Variants in ACOT12 observed in about 807,000 individuals in gnomAD.
ACOT12 encodes the protein acetyl-coenzyme A thioesterase.
In ACOT12, 51 loss-of-function variants were observed where a neutral mutation model predicts 67.7. That is an observed-to-expected ratio of 0.75 (90% CI 0.60 to 0.95). ACOT12 has a LOEUF of 0.95. Among genes scored for constraint, ACOT12 ranks in the 40% least tolerant of loss-of-function variants. ACOT12 has a pLI of 0.00. For synonymous variants in ACOT12, 251 were observed against 244.6 expected (o/e 1.03, Z -0.24); for missense variants, 734 against 708.1 (o/e 1.04, Z -0.41).
intron 5 of ACOT12, among the ~76,000 whole-genome samples, chr5:81,348,816 G>A (rs997901624): frequency 3.3e-5 from 5 of 152,140 alleles, no homozygotes; most frequent in Non-Finnish European, 4.4e-5. Context: ...TGCCCGCCTC[G>A]GCCTCCCAAA....
intron 13 of ACOT12, among the ~76,000 whole-genome samples, chr5:81,331,695 T>C (rs565710480): frequency 6.6e-6 from 1 of 152,358 alleles, no homozygotes; most frequent in East Asian, 1.9e-4. Flanking sequence ...TATAGCCCTC[T>C]AGACTTTTTA....
At chr5:81,314,339 G>A in the ACOT12 span, among the ~76,000 whole-genome samples, 51 of 152,226 alleles carry the variant, frequency 3.4e-4, no homozygotes, top group South Asian at 8.1e-3. Context: ...TCTTGACCTC[G>A]TGATCTGCTC....
chr5:81,316,964 G>C, the ACOT12 span, among the ~76,000 whole-genome samples: 1 of 152,080 alleles, frequency 6.6e-6, no homozygotes, highest in Admixed American at 6.6e-5. Context: ...TCTTTAACAG[G>C]TTTATGATTT....
At chr5:81,317,888 T>A in the ACOT12 span, among the ~76,000 whole-genome samples, 1 of 69,766 alleles carries the variant, frequency 1.4e-5, no homozygotes, top group Non-Finnish European at 2.6e-5. Context: ...AGGTTCACAA[T>A]TTTTTTTTTT....
intron 5 of ACOT12, among the ~76,000 whole-genome samples, chr5:81,358,046 C>G (rs371719720): frequency 0.21 from 29,476 of 140,776 alleles, 3,489 homozygotes; most frequent in African/African-American, 0.34. Context: ...AGAAGAAAAA[C>G]AACTGTATTT....
chr5:81,383,380 C>A (rs1182406568), intron 2 of ACOT12, among the ~76,000 whole-genome samples: 1 of 152,136 alleles, frequency 6.6e-6, no homozygotes, highest in Non-Finnish European at 1.5e-5. Flanking sequence ...AAAGAAAAAA[C>A]AAAATCAAAC....
At chr5:81,322,817 C>A in the ACOT12 span, among the ~76,000 whole-genome samples, 1 of 152,096 alleles carries the variant, frequency 6.6e-6, no homozygotes, top group African/African-American at 2.4e-5. Flanking sequence ...TGAATGCCAG[C>A]AGGGGAAATG....
intron 4 of ACOT12, among the ~76,000 whole-genome samples, chr5:81,362,062 C>T (rs1580566340): frequency 6.6e-6 from 1 of 152,070 alleles, no homozygotes; most frequent in African/African-American, 2.4e-5. Context: ...GTTATCTGAA[C>T]CAACCAATTA....
Position 81,386,499 on chromosome 5 carries a change from G to A in ACOT12, c.128-673C>T, listed in dbSNP as rs139487407. On this transcript the variant is annotated intron_variant, in intron 1 of 14. Transcript: ENST00000307624. Reference sequence around the variant, plus strand: ...TCTATGTCTGCACGTAATTTGCTCAGATTTTTTTTTTATTGTTGGTTTTGC... The same window carrying A: ...TCTATGTCTGCACGTAATTTGCTCAAATTTTTTTTTTATTGTTGGTTTTGC... Among the ~76,000 whole-genome samples, 452 of 152,182 alleles carry A rather than the reference G, an allele frequency of 3.0e-3. 1 individual carries two copies. The highest frequency in any genetic ancestry group is 0.011 in the African/African-American group (436 of 41,522).
the ACOT12 span, among the ~76,000 whole-genome samples, chr5:81,322,240 G>C: frequency 6.6e-6 from 1 of 151,934 alleles, no homozygotes; most frequent in Non-Finnish European, 1.5e-5. Context: ...GTGTATTGCA[G>C]AACCATAAAA....
At chr5:81,310,018 C>T in the ACOT12 span, among the ~76,000 whole-genome samples, 1 of 152,046 alleles carries the variant, frequency 6.6e-6, no homozygotes, top group African/African-American at 2.4e-5. Flanking sequence ...TCAAGTGCTT[C>T]TCTTTCACTA....
At chr5:81,322,287 C>T in the ACOT12 span, among the ~76,000 whole-genome samples, 1 of 151,866 alleles carries the variant, frequency 6.6e-6, no homozygotes, top group Non-Finnish European at 1.5e-5. Context: ...AGAGAAAATA[C>T]ATTACCTACA....
the ACOT12 span, among the ~76,000 whole-genome samples, chr5:81,309,862 C>A: frequency 1.3e-5 from 2 of 152,034 alleles, no homozygotes; most frequent in African/African-American, 4.8e-5. Flanking sequence ...TGTATCTTAC[C>A]GTTGGTGGGT....
downstream of ACOT12, among the ~76,000 whole-genome samples, chr5:81,328,176 C>T (rs115523910): frequency 5.0e-4 from 76 of 152,252 alleles, 1 homozygote; most frequent in African/African-American, 1.8e-3. Context: ...TCCCTGTCTG[C>T]CTGCAGGCTT....
intron 2 of ACOT12, among the ~76,000 whole-genome samples, chr5:81,381,643 T>C (rs1253646107): frequency 6.6e-6 from 1 of 151,694 alleles, no homozygotes; most frequent in African/African-American, 2.4e-5. Context: ...CAGCACAAAA[T>C]AAATAAAGCT....
chr5:81,390,520 TC>T (rs2153860676), intron 1 of ACOT12, among the ~76,000 whole-genome samples: 1 of 150,642 alleles, frequency 6.6e-6, no homozygotes, highest in South Asian at 2.2e-4. Flanking sequence ...TGAGATGGAG[TC>T]TCATTCTCAA....
chr5:81,322,153 C>T, the ACOT12 span, among the ~76,000 whole-genome samples: 24 of 152,084 alleles, frequency 1.6e-4, no homozygotes, highest in African/African-American at 5.8e-4. Context: ...ATCATTGAGG[C>T]TTTTCTTTTT....
At chr5:81,310,285 G>A in the ACOT12 span, among the ~76,000 whole-genome samples, 2 of 151,954 alleles carry the variant, frequency 1.3e-5, no homozygotes, top group Admixed American at 6.6e-5. Flanking sequence ...ACAATAAGGG[G>A]CTTTCTGCGA....
At chr5:81,366,343 T>C (rs1021565364) in intron 3 of ACOT12, among the ~76,000 whole-genome samples, 2 of 152,140 alleles carry the variant, frequency 1.3e-5, no homozygotes, top group Admixed American at 6.6e-5. Context: ...AAGAAAATTA[T>C]TAGGTGAAAG....
Sources: allele counts gnomAD v4.1 joint callset (sites outside exome capture counted in the v4.1 genomes callset), GRCh38; gene constraint gnomAD v4.1.1; transcripts MANE v1.5; gene names NCBI Gene and HGNC (gene_info 2026-07-23, HGNC 2026-07-21).